TMEM184B: variants seen among roughly 807,000 people sequenced by gnomAD.
TMEM184B encodes putative MAPK-activating protein FM08.
TMEM184B carries 17 observed loss-of-function variants against 41.8 expected under a neutral mutation model. That is an observed-to-expected ratio of 0.41 (90% CI 0.28 to 0.61). TMEM184B has a LOEUF of 0.61. TMEM184B is among the 20% of genes least tolerant of loss of function. The probability of loss-of-function intolerance (pLI) is 0.34; values close to 1 mark genes in which losing one functional copy is unlikely to be tolerated. For synonymous variants in TMEM184B, 240 were observed against 229.5 expected (o/e 1.05, Z -0.41); for missense variants, 393 against 557.8 (o/e 0.70, Z 2.98).
intron 3 of TMEM184B, among the ~76,000 whole-genome samples, chr22:38,235,082 C>G (rs1035776125): frequency 1.3e-5 from 2 of 152,190 alleles, no homozygotes; most frequent in Admixed American, 6.5e-5. Flanking sequence ...GGCCTGGCAG[C>G]TACAAACATG....
At chr22:38,263,890 T>C (rs2003649) in intron 1 of TMEM184B, among the ~76,000 whole-genome samples, 56,836 of 152,130 alleles carry the variant, frequency 0.37, 10,854 homozygotes, top group Middle Eastern at 0.5. Context: ...CTGCAATCTT[T>C]GCCTCCCAAG....
At chr22:38,267,886 A>C (rs980460252) in intron 1 of TMEM184B, among the ~76,000 whole-genome samples, 2 of 152,116 alleles carry the variant, frequency 1.3e-5, no homozygotes, top group Non-Finnish European at 2.9e-5. Context: ...AAGACTAGAA[A>C]AGTCACCAAC....
rs537976401 is a variant in TMEM184B at position 38,236,069 on chromosome 22, C to T, written c.359-4735G>A. ...GCCAAGTCCAGAGGGCAGCAACCAG[C>T]GTGAGGGACCGGAGGGCCTCTCTCT... On this transcript the variant is annotated intron_variant, in intron 3 of 8. Coordinates refer to ENST00000361906, the MANE Select transcript of TMEM184B (RefSeq NM_012264.5). Among the ~76,000 whole-genome samples, 10 of 152,332 alleles carry T rather than the reference C, an allele frequency of 6.6e-5. No individual in the cohort carries two copies. In the South Asian group the frequency reaches 1.7e-3, roughly 25 times the overall value.
intron 2 of TMEM184B, among the ~76,000 whole-genome samples, 199 bp from the exon 3 acceptor site, chr22:38,246,299 C>T (rs1319381069): frequency 6.6e-6 from 1 of 152,190 alleles, no homozygotes; most frequent in Admixed American, 6.5e-5. Flanking sequence ...GACCAGCGGG[C>T]GTGCACAAGG....
At chr22:38,246,712 G>T in intron 2 of TMEM184B, 1 of 999,030 alleles carries the variant, frequency 1.0e-6, no homozygotes, top group Non-Finnish European at 1.3e-6. Flanking sequence ...TAGTTAGGCA[G>T]CTACCTCACC....
chr22:38,237,796 ACTGT>A (rs936646994), intron 3 of TMEM184B, among the ~76,000 whole-genome samples: 13 of 144,768 alleles, frequency 9.0e-5, no homozygotes, highest in Non-Finnish European at 1.5e-4. Flanking sequence ...TCTCCTCCCT[ACTGT>A]CTTTTTTTTT....
chr22:38,265,363 T>C (rs1412744427), intron 1 of TMEM184B, among the ~76,000 whole-genome samples: 1 of 152,128 alleles, frequency 6.6e-6, no homozygotes, highest in African/African-American at 2.4e-5. Context: ...CCTGAAGCTT[T>C]ATTCACGTGC....
At chr22:38,238,770 T>C (rs761600788) in intron 3 of TMEM184B, among the ~76,000 whole-genome samples, 23 of 152,324 alleles carry the variant, frequency 1.5e-4, no homozygotes, top group Non-Finnish European at 2.8e-4. Context: ...TCTTTCACCA[T>C]GCTGGCACAG....
chr22:38,269,812 G>A (rs945267962), intron 1 of TMEM184B, among the ~76,000 whole-genome samples: 1 of 152,154 alleles, frequency 6.6e-6, no homozygotes, highest in Non-Finnish European at 1.5e-5. Flanking sequence ...GTCACACAGG[G>A]TCTTCAAGAC....
intron 5 of TMEM184B, among the ~76,000 whole-genome samples, chr22:38,228,661 G>A (rs1050759356): frequency 2.0e-5 from 3 of 152,186 alleles, no homozygotes; most frequent in Non-Finnish European, 2.9e-5. Context: ...CACTGGCCCT[G>A]AGGAGTCAAA....
At chr22:38,224,688 A>G in intron 8 of TMEM184B, 97 bp downstream of exon 8, 1 of 1,307,760 alleles carries the variant, frequency 7.6e-7, no homozygotes, top group Non-Finnish European at 1.0e-6. Context: ...GTCCTGACCC[A>G]GCCGCACCTG....
chr22:38,243,309 G>A (rs1481117197), intron 3 of TMEM184B, among the ~76,000 whole-genome samples: 1 of 152,200 alleles, frequency 6.6e-6, no homozygotes, highest in East Asian at 1.9e-4. Flanking sequence ...TCTGGGGCAC[G>A]GAGTGAGAGT....
In TMEM184B at chr22:38,225,107, C is replaced by T; in HGVS notation, c.788-128G>A. 8.7e-7 allele frequency: 1 copy of T among 1,142,966 alleles called. No individual in the cohort carries two copies. Among genetic ancestry groups the T allele is most frequent in the Non-Finnish European group, 1.2e-6 (1 of 833,634 alleles). The allele number at this position is 1,142,966 out of a possible 1,614,324, so 70.8% of individuals were successfully genotyped here. A position where few individuals can be genotyped will look rare whatever the true frequency, so the allele number is the denominator to read the frequency against. ...GTGAGCAGGGCCACAGCTGCTCCTG[C>T]AGGGCAGGGGTAGCGACACAAGGCC... On this transcript the variant is annotated intron_variant, in intron 7 of 8. Coordinates refer to ENST00000361906, the MANE Select transcript of TMEM184B (RefSeq NM_012264.5). The surrounding 1 kb of genome is among the most constrained non-coding windows in gnomAD (Gnocchi z 4.4).
At chr22:38,221,751 G>T in intron 8 of TMEM184B, 41 bp from the exon 9 acceptor site, 1 of 1,604,014 alleles carries the variant, frequency 6.2e-7, no homozygotes, top group Admixed American at 1.7e-5. Context: ...AGGAGGCTGG[G>T]ACGGTGAGAG....
chr22:38,246,582 C>G (rs773632227), intron 2 of TMEM184B: 2 of 292,322 alleles, frequency 6.8e-6, no homozygotes, highest in Non-Finnish European at 1.3e-5. Context: ...GCAAGACAGA[C>G]GCAGCCCTCA....
chr22:38,260,494 C>T (rs537565736), intron 1 of TMEM184B, among the ~76,000 whole-genome samples: 1 of 152,316 alleles, frequency 6.6e-6, no homozygotes, highest in African/African-American at 2.4e-5. Context: ...CTGCCACTGC[C>T]GTGCTGTGAA....
intron 1 of TMEM184B, chr22:38,272,568 TCCGCCTCCCTCTCCCGGGG>T (rs2092541433): frequency 3.0e-6 from 3 of 985,572 alleles, no homozygotes; most frequent in African/African-American, 1.7e-5. Flanking sequence ...CCTTGGTCCA[TCCGCCTCCCTCTCCCGGGG>T]CCGCCCCCCG....
chr22:38,264,298 C>T (rs747858994), intron 1 of TMEM184B, among the ~76,000 whole-genome samples: 6 of 152,128 alleles, frequency 3.9e-5, no homozygotes, highest in Non-Finnish European at 8.8e-5. Context: ...CTTCTCAGGG[C>T]TCTGATGTCC....
intron 1 of TMEM184B, among the ~76,000 whole-genome samples, chr22:38,266,785 T>C (rs1319687912): frequency 1.3e-5 from 2 of 152,178 alleles, no homozygotes; most frequent in African/African-American, 4.8e-5. Context: ...TGCTTCAAGT[T>C]TACTATCAAC....
Sources: gnomAD v4.1 joint callset for allele counts (sites outside exome capture counted in the v4.1 genomes callset) on GRCh38, gnomAD v4.1.1 for gene constraint, Gnocchi (gnomAD v3.1) non-coding constraint, MANE v1.5 for transcripts, NCBI Gene and HGNC (gene_info 2026-07-23, HGNC 2026-07-21) for gene names.